Variants in ILF2 observed in about 807,000 individuals in gnomAD.
The protein encoded by ILF2 is interleukin enhancer binding factor 2.
ILF2 carries 9 observed loss-of-function variants against 55.3 expected under a neutral mutation model. The observed-to-expected ratio is 0.16, with a 90% CI of 0.10 to 0.28. The LOEUF is 0.28. Ranked by LOEUF, ILF2 falls within the 10% of genes least tolerant of loss-of-function variation. The pLI is 1.00. For missense variants in ILF2, 266 were observed against 474.9 expected, an observed-to-expected ratio of 0.56 and a Z score of 4.09; for synonymous variants, 151 against 161.8, an observed-to-expected ratio of 0.93 and a Z score of 0.50.
Position 153,670,914 on chromosome 1 carries a change from T to C in ILF2, c.5+4A>G, listed in dbSNP as rs1669454044. 2 of 1,614,180 alleles carry C rather than the reference T, an allele frequency of 1.2e-6. No individual in the cohort carries two copies. The highest frequency in any genetic ancestry group is 4.5e-5 in the East Asian group (2 of 44,892). ...AAACCTTTCGACCGCTTCGACCCACTTACCTCATGGCGCCTTAAAACACGA... is the reference window on the plus strand; with the variant it reads ...AAACCTTTCGACCGCTTCGACCCACCTACCTCATGGCGCCTTAAAACACGA... On this transcript the variant is annotated splice_donor_region_variant and intron_variant, in intron 1 of 13. Coordinates refer to ENST00000361891, the MANE Select transcript of ILF2 (RefSeq NM_004515.4).
At chr1:153,666,140 C>A (rs768817793) in intron 6 of ILF2, among the ~76,000 whole-genome samples, 1 of 152,110 alleles carries the variant, frequency 6.6e-6, no homozygotes, top group Middle Eastern at 3.2e-3. Flanking sequence ...CCTCAGCCTC[C>A]CGGGCTCAAG....
Position 153,669,827 on chromosome 1 carries a change from G to A in ILF2, c.108+9C>T. On this transcript the variant is annotated intron_variant, in intron 3 of 13. Transcript: ENST00000361891. Reference sequence around the variant, plus strand: ...CAGAAAATGTGTATCATTAACCCAAGGTACTCACCAAATAGAAGTCAAATG... The same window carrying A: ...CAGAAAATGTGTATCATTAACCCAAAGTACTCACCAAATAGAAGTCAAATG... The A allele has an allele frequency of 6.2e-7, 1 of 1,607,510 alleles. No homozygotes were observed. The highest frequency in any genetic ancestry group is 8.5e-7 in the Non-Finnish European group (1 of 1,174,052).
At chr1:153,663,424 G>A (rs2101711973) in intron 10 of ILF2, 148 bp from the exon 11 acceptor site, 2 of 714,224 alleles carry the variant, frequency 2.8e-6, no homozygotes, top group Non-Finnish European at 4.8e-6. Context: ...GAACTCCTGG[G>A]CTCAAGCAAC....
chr1:153,664,517 T>C (rs762262664), intron 8 of ILF2, 43 bp from the exon 9 acceptor site: 1 of 1,458,468 alleles, frequency 6.9e-7, no homozygotes, highest in Non-Finnish European at 9.6e-7. Flanking sequence ...ACATTTTCAT[T>C]AAACAAGCTA....
chr1:153,666,126 G>A (rs947346962), intron 6 of ILF2, among the ~76,000 whole-genome samples: 1 of 152,070 alleles, frequency 6.6e-6, no homozygotes, highest in African/African-American at 2.4e-5. Flanking sequence ...ACAGCTCACT[G>A]CAGCCTCAGC....
chr1:153,664,103 C>T lies in ILF2; in HGVS notation c.684G>A (p.Lys228=). ...STVKVLIRLL[K]DLRIRFPGFE... ...AGCCAGGAAAACGAATCCTCAAGTC[C>T]TTCAGTAGTCTGATGAGAACTTTAA... The change falls in exon 10 of 14, where the codon AAG becomes AAA. Residue 228 remains lysine, a synonymous_variant. Coordinates refer to ENST00000361891, the MANE Select transcript of ILF2 (RefSeq NM_004515.4). 1 of 1,613,192 alleles carries T rather than the reference C, an allele frequency of 6.2e-7. No individual in the cohort carries two copies. The highest frequency in any genetic ancestry group is 2.2e-5 in the East Asian group (1 of 44,878).
intron 10 of ILF2, among the ~76,000 whole-genome samples, chr1:153,663,495 AT>A (rs893664432): frequency 1.1e-3 from 157 of 146,460 alleles, no homozygotes; most frequent in African/African-American, 1.3e-3. Context: ...CAACTGGCTA[AT>A]TTTTTTTTTT....
intron 10 of ILF2, 47 bp downstream of exon 10, chr1:153,663,996 T>TC: frequency 4.6e-6 from 2 of 433,860 alleles, no homozygotes; most frequent in Non-Finnish European, 7.0e-6. Context: ...CTACTACTAC[T>TC]AGTAAATAAG....
At chr1:153,669,009 A>G (rs1571337377) in intron 3 of ILF2, among the ~76,000 whole-genome samples, 1 of 152,134 alleles carries the variant, frequency 6.6e-6, no homozygotes, top group Non-Finnish European at 1.5e-5. Context: ...GTTCAAGATC[A>G]GCCTGGGCAA....
In ILF2 at chr1:153,664,140, A is replaced by G. The variant is rs1669248359; in HGVS notation, c.657-10T>C. Reference sequence around the variant, plus strand: ...GATGAGAACTTTAACTCTGAAAGTAATAGTGACCCAAACATTAAAATCAAT... The same window carrying G: ...GATGAGAACTTTAACTCTGAAAGTAGTAGTGACCCAAACATTAAAATCAAT... On this transcript the variant is annotated splice_polypyrimidine_tract_variant and intron_variant, in intron 9 of 13. Transcript: ENST00000361891. The G allele has an allele frequency of 6.4e-7, 1 of 1,553,878 alleles. No individual in the cohort carries two copies. The highest frequency in any genetic ancestry group is 8.9e-7 in the Non-Finnish European group (1 of 1,127,708).
intron 6 of ILF2, 71 bp from the exon 7 acceptor site, chr1:153,665,799 C>A: frequency 9.0e-7 from 1 of 1,115,382 alleles, no homozygotes; most frequent in Admixed American, 2.0e-5. Flanking sequence ...CTCTAAGCTA[C>A]TTTGCACTCT....
At chr1:153,669,249 T>G (rs771584308) in intron 3 of ILF2, among the ~76,000 whole-genome samples, 2 of 152,030 alleles carry the variant, frequency 1.3e-5, no homozygotes, top group African/African-American at 2.4e-5. Flanking sequence ...AAATAAAAAG[T>G]TCAAACAAGG....
chr1:153,668,228 G>T, intron 4 of ILF2, 151 bp from the exon 5 acceptor site: 1 of 789,576 alleles, frequency 1.3e-6, no homozygotes, highest in Admixed American at 2.9e-5. Context: ...GAATATATGG[G>T]AAGAGAACAA....
Position 153,665,211 on chromosome 1 carries a change from A to G in ILF2, c.577+9T>C, listed in dbSNP as rs984582846. 1.3e-6 allele frequency: 2 copies of G among 1,500,998 alleles called. No individual in the cohort carries two copies. Among genetic ancestry groups the G allele is most frequent in the Non-Finnish European group, 1.9e-6 (2 of 1,078,470 alleles). 93.0% of individuals were successfully genotyped at this position (1,500,998 alleles called of 1,614,324 possible). A position where few individuals can be genotyped will look rare whatever the true frequency, so the allele number is the denominator to read the frequency against. ...TAAATTTTCCAGCAATGGAAAAAAA[A>G]GAACTAACAATGGAGTTCTGGATCC... On this transcript the variant is annotated intron_variant, in intron 8 of 13. Transcript: ENST00000361891.
intron 6 of ILF2, 25 bp from the exon 7 acceptor site, chr1:153,665,753 G>A (rs372719417): frequency 3.1e-5 from 48 of 1,569,440 alleles, no homozygotes; most frequent in Non-Finnish European, 4.2e-5. Context: ...ATGACATAAT[G>A]TTATAATAAT....
At chr1:153,663,597 T>G (rs1201973643) in intron 10 of ILF2, among the ~76,000 whole-genome samples, 1 of 151,962 alleles carries the variant, frequency 6.6e-6, no homozygotes, top group East Asian at 1.9e-4. Context: ...CCTCCCAAAG[T>G]GCTGGGATTA....
At chr1:153,663,379 A>G in intron 10 of ILF2, 103 bp from the exon 11 acceptor site, 1 of 1,076,708 alleles carries the variant, frequency 9.3e-7, no homozygotes, top group African/African-American at 1.6e-5. Flanking sequence ...TCCAGGCTGG[A>G]GTGCAGTGGC....
At chr1:153,665,482 G>A (rs897281445) in intron 7 of ILF2, 146 bp from the exon 8 acceptor site, 2 of 749,880 alleles carry the variant, frequency 2.7e-6, no homozygotes, top group South Asian at 1.6e-5. Flanking sequence ...TTAGAAGGGA[G>A]ATCAAACAGA....
At chr1:153,663,333 A>T in intron 10 of ILF2, 57 bp from the exon 11 acceptor site, 1 of 1,503,766 alleles carries the variant, frequency 6.6e-7, no homozygotes, top group Non-Finnish European at 9.2e-7. Context: ...TGATAACTAG[A>T]ACTTTATTTT....
Sources: allele counts gnomAD v4.1 joint callset (sites outside exome capture counted in the v4.1 genomes callset), GRCh38; gene constraint gnomAD v4.1.1; transcripts MANE v1.5; gene names NCBI Gene and HGNC (gene_info 2026-07-23, HGNC 2026-07-21).